GRAP2: variants seen among roughly 807,000 people sequenced by gnomAD.
The protein encoded by GRAP2 is GRB2 related adaptor protein 2.
GRAP2 carries 31 observed loss-of-function variants against 43.5 expected under a neutral mutation model. The ratio of observed to expected loss-of-function variants is 0.71; its 90% CI spans 0.54 to 0.96. The LOEUF (loss-of-function observed/expected upper bound fraction) is 0.96, where lower values mean the gene tolerates loss of function less well. Ranked by LOEUF, GRAP2 falls within the 40% of genes least tolerant of loss-of-function variation. The probability of loss-of-function intolerance (pLI) is 0.00; values close to 1 mark genes in which losing one functional copy is unlikely to be tolerated. For synonymous variants in GRAP2, 156 were observed against 164.8 expected (o/e 0.95, Z 0.41); for missense variants, 371 against 424.4 (o/e 0.87, Z 1.11).
At chr22:39,964,444 G>T in intron 4 of GRAP2, 1 of 938,552 alleles carries the variant, frequency 1.1e-6, no homozygotes, top group South Asian at 1.4e-5. Context: ...GGAGATGGAC[G>T]AGGAAGAGAA....
chr22:39,917,760 C>CA (rs1199582839), intron 1 of GRAP2, among the ~76,000 whole-genome samples: 1 of 152,080 alleles, frequency 6.6e-6, no homozygotes, highest in Admixed American at 6.6e-5. Context: ...GCTCCATGCT[C>CA]AAAATATCTC....
intron 1 of GRAP2, among the ~76,000 whole-genome samples, chr22:39,921,901 GCT>G (rs2066656024): frequency 6.6e-6 from 1 of 152,112 alleles, no homozygotes; most frequent in South Asian, 2.1e-4. Flanking sequence ...GAACTCCTGG[GCT>G]CAAGCAATCC....
intron 2 of GRAP2, among the ~76,000 whole-genome samples, chr22:39,949,302 G>A (rs1284562495): frequency 6.6e-6 from 1 of 152,162 alleles, no homozygotes; most frequent in African/African-American, 2.4e-5. Flanking sequence ...CTGAGCTCCT[G>A]TTCAGGGCCA....
the GRAP2 span, among the ~76,000 whole-genome samples, chr22:39,894,688 T>G: frequency 6.6e-6 from 1 of 152,198 alleles, no homozygotes; most frequent in East Asian, 1.9e-4. Flanking sequence ...TGACGGGTAA[T>G]TGTTGATGTA....
At chr22:39,970,116 A>C (rs1044974577) in intron 7 of GRAP2, among the ~76,000 whole-genome samples, 8 of 151,792 alleles carry the variant, frequency 5.3e-5, no homozygotes, top group Non-Finnish European at 7.4e-5. Flanking sequence ...TTATCATTGC[A>C]TCTTTTTTTT....
At chr22:39,968,322 C>T in intron 6 of GRAP2, 50 bp downstream of exon 6, 1 of 1,584,776 alleles carries the variant, frequency 6.3e-7, no homozygotes, top group Middle Eastern at 1.7e-4. Flanking sequence ...GGAGAACCTG[C>T]CTCCCCTCCA....
rs1160900890 is a variant in GRAP2, at chr22:39,968,090, C to T, written c.508C>T (p.Leu170Phe). Residue 170 changes from leucine to phenylalanine, a missense_variant, in exon 6 of 8, where the codon CTC (leucine) becomes TTC (phenylalanine). Coordinates refer to ENST00000344138, the MANE Select transcript of GRAP2 (RefSeq NM_004810.4). Reference protein sequence around the residue: ...LDRRSQGGPHLSGAVGEEIRP... With the variant: ...LDRRSQGGPHFSGAVGEEIRP... ...CCGGAGGTCCCAGGGAGGCCCACAC[C>T]TCAGTGGGGCTGTGGGAGAAGAAAT... 1 of 1,612,258 alleles carries T rather than the reference C, an allele frequency of 6.2e-7. No homozygotes were observed. Among genetic ancestry groups the T allele is most frequent in the Non-Finnish European group, 8.5e-7 (1 of 1,179,188 alleles).
rs1437690346 is a variant in GRAP2, at chr22:39,969,518, G to A, written c.798G>A (p.Gln266=). Residue 266 remains glutamine (Q), a synonymous_variant, in exon 7 of 8, where the codon CAG becomes CAA. Coordinates refer to ENST00000344138, the MANE Select transcript of GRAP2 (RefSeq NM_004810.4). ...ATCGGAGACACACAGACCCAGTGCA[G>A]CTCCAGGCGGCAGGGGTATGGGAAC... ...LMHRRHTDPV[Q]LQAAGRVRWA... is the part of the protein sequence containing the mutation. 6.2e-7 allele frequency: 1 copy of A among 1,613,996 alleles called. No individual in the cohort carries two copies. The highest frequency in any genetic ancestry group is 8.5e-7 in the Non-Finnish European group (1 of 1,179,894).
rs1171512813 is a variant in GRAP2, at chr22:39,901,341, A to T, written c.-15+11A>T. ...CTTCTCTTCCAAAAGGTATGTCATT[A>T]TACAACATCTGTACATATACTCTAG... On this transcript the variant is annotated intron_variant, in intron 1 of 7. Coordinates refer to ENST00000344138, the MANE Select transcript of GRAP2 (RefSeq NM_004810.4). 1 of 997,584 alleles carries T rather than the reference A, an allele frequency of 1.0e-6. No homozygotes were observed. Among genetic ancestry groups the T allele is most frequent in the East Asian group, 6.0e-5 (1 of 16,644 alleles). The allele number at this position is 997,584 out of a possible 1,614,324, so 61.8% of individuals were successfully genotyped here.
In GRAP2 at chr22:39,968,116, C is replaced by G. The variant is rs2067194325; in HGVS notation, c.534C>G (p.Ile178Met). The G allele has an allele frequency of 6.2e-7, 1 of 1,609,222 alleles. No individual in the cohort carries two copies. ...PHLSGAVGEE[I>M]RPSMNRKLSD... ...TCAGTGGGGCTGTGGGAGAAGAAAT[C>G]CGACCTTCGATGAACCGGAAGCTGT... Residue 178 changes from isoleucine to methionine, a missense_variant, in exon 6 of 8, where the codon ATC becomes ATG. Ile to Met is a conservative substitution (Grantham distance 10, BLOSUM62 1). Transcript: ENST00000344138.
chr22:39,933,546 A>G (rs1223822596), intron 1 of GRAP2, among the ~76,000 whole-genome samples: 1 of 152,166 alleles, frequency 6.6e-6, no homozygotes, highest in Non-Finnish European at 1.5e-5. Flanking sequence ...ACCCTCAGAA[A>G]GTTGTGTGTC....
intron 2 of GRAP2, among the ~76,000 whole-genome samples, chr22:39,954,746 T>A (rs550936557): frequency 6.6e-6 from 1 of 152,308 alleles, no homozygotes; most frequent in Admixed American, 6.5e-5. Flanking sequence ...TGTCTTTTAA[T>A]GGTGAATCTC....
At position 39,966,141 on chromosome 22, in the gene GRAP2, A is replaced by G. The variant is rs2067171068; in HGVS notation, c.442A>G (p.Arg148Gly). 4.3e-6 allele frequency: 7 copies of G among 1,614,000 alleles called. No homozygotes were observed. The highest frequency in any genetic ancestry group is 2.2e-5 in the South Asian group (2 of 91,090). The change falls in exon 5 of 8, where the codon AGA (arginine) becomes GGA (glycine). Residue 148 changes from arginine (R) to glycine (G), a missense_variant. By Grantham distance (125) the Arg-to-Gly change is moderately radical. Transcript: ENST00000344138. Reference sequence around the variant, plus strand: ...ACAGAAGCAGATCTTCCTTAGAGACAGAACCCGAGAAGACCAGGTATGCTC... The same window carrying G: ...ACAGAAGCAGATCTTCCTTAGAGACGGAACCCGAGAAGACCAGGTATGCTC... ...SRQKQIFLRD[R>G]TREDQGHRGN...
intron 1 of GRAP2, among the ~76,000 whole-genome samples, chr22:39,904,056 T>C (rs1165085990): frequency 6.6e-6 from 1 of 152,224 alleles, no homozygotes; most frequent in Non-Finnish European, 1.5e-5. Flanking sequence ...AAAAGTCTTA[T>C]ATACTCTCCA....
intron 4 of GRAP2, 183 bp downstream of exon 4, chr22:39,960,357 C>T: frequency 1.6e-6 from 1 of 616,316 alleles, no homozygotes; most frequent in South Asian, 1.9e-5. Context: ...ATGCACACAC[C>T]ACTCTTTAGA....
At chr22:39,935,259 G>C (rs1427314656) in intron 1 of GRAP2, among the ~76,000 whole-genome samples, 1 of 152,116 alleles carries the variant, frequency 6.6e-6, no homozygotes, top group Non-Finnish European at 1.5e-5. Context: ...TCAGATGAAA[G>C]AGCTTTTGAT....
At chr22:39,933,567 A>G (rs1406358095) in intron 1 of GRAP2, among the ~76,000 whole-genome samples, 2 of 152,140 alleles carry the variant, frequency 1.3e-5, no homozygotes, top group Non-Finnish European at 2.9e-5. Context: ...AAGGCCGGGT[A>G]TGGTGGCTCA....
intron 1 of GRAP2, among the ~76,000 whole-genome samples, chr22:39,911,994 T>C (rs1312505112): frequency 6.6e-6 from 1 of 152,246 alleles, no homozygotes; most frequent in Non-Finnish European, 1.5e-5. Flanking sequence ...GTAGACCTTA[T>C]GTTGTAATAC....
At chr22:39,912,889 G>A (rs770170774) in intron 1 of GRAP2, among the ~76,000 whole-genome samples, 20 of 152,036 alleles carry the variant, frequency 1.3e-4, no homozygotes, top group Admixed American at 4.6e-4. Context: ...AAGGCAGTGA[G>A]CTCTAGAGGA....
Sources: allele counts gnomAD v4.1 joint callset (sites outside exome capture counted in the v4.1 genomes callset), GRCh38; gene constraint gnomAD v4.1.1; transcripts MANE v1.5; gene names NCBI Gene and HGNC (gene_info 2026-07-23, HGNC 2026-07-21).